FRMD4B: variants seen among roughly 807,000 people sequenced by gnomAD.
FRMD4B encodes the protein FERM domain containing 4B, also known as FERM domain-containing protein 4B.
Under a neutral mutation model 141.5 loss-of-function variants are expected in FRMD4B, and 74 were observed. The ratio of observed to expected loss-of-function variants is 0.52; its 90% CI spans 0.43 to 0.63. The LOEUF (loss-of-function observed/expected upper bound fraction) is 0.63, where lower values mean the gene tolerates loss of function less well. FRMD4B is among the 30% of genes least tolerant of loss of function. The probability of loss-of-function intolerance (pLI) is 0.00; values close to 1 mark genes in which losing one functional copy is unlikely to be tolerated. For synonymous variants in FRMD4B, 506 were observed against 467.9 expected (o/e 1.08, Z -1.05); for missense variants, 1,366 against 1,253.4 (o/e 1.09, Z -1.36).
intron 1 of FRMD4B, among the ~76,000 whole-genome samples, chr3:69,535,095 C>T (rs934221269): frequency 6.6e-6 from 1 of 152,096 alleles, no homozygotes; most frequent in Non-Finnish European, 1.5e-5. Context: ...CTTATAATCC[C>T]CACTTTATAG....
chr3:69,216,170 A>T (rs1337589405), intron 11 of FRMD4B, 93 bp downstream of exon 11: 4 of 714,064 alleles, frequency 5.6e-6, no homozygotes, highest in African/African-American at 1.8e-5. Context: ...AACCAAAAAA[A>T]CCCCAACAAC....
chr3:69,237,166 G>C lies in FRMD4B; in HGVS notation c.581+12060C>G, dbSNP rs984912334. ...TTTGTTCTCTGGACAACTGCAGGCC[G>C]GAGCACAAGAGGAGGAAGAGGAGAG... is the stretch of plus-strand genomic sequence containing the variant. On this transcript the variant is annotated intron_variant, in intron 7 of 22. Transcript: ENST00000398540. 6.1e-5 allele frequency among the ~76,000 whole-genome samples: 5 copies of C among 81,748 alleles called. No homozygotes were observed. The Admixed American group carries it at 7.4e-4, about 12-fold the overall frequency. 53.6% of individuals were successfully genotyped at this position (81,748 alleles called of 152,430 possible).
At position 69,195,451 on chromosome 3, in the gene FRMD4B, G is replaced by C. The variant is rs2092892779; in HGVS notation, c.1235-87C>G. On this transcript the variant is annotated intron_variant, in intron 14 of 22. Coordinates refer to ENST00000398540, the MANE Select transcript of FRMD4B (RefSeq NM_015123.3). ...GACAAAGGATTTTTAAGCTAAAGCT[G>C]CTATTAAATGGTAGTTTATTTCTTT... is the stretch of plus-strand genomic sequence containing the variant. 8.0e-6 allele frequency: 8 copies of C among 1,003,734 alleles called. No individual in the cohort carries two copies. The South Asian group carries it at 1.5e-4, about 19-fold the overall frequency. The allele number at this position is 1,003,734 out of a possible 1,614,324, so 62.2% of individuals were successfully genotyped here.
chr3:69,464,727 A>G (rs1705755182), intron 1 of FRMD4B, among the ~76,000 whole-genome samples: 1 of 152,184 alleles, frequency 6.6e-6, no homozygotes, highest in Admixed American at 6.5e-5. Flanking sequence ...GGGGCTCCTA[A>G]GGGAACAACA....
intron 8 of FRMD4B, among the ~76,000 whole-genome samples, chr3:69,223,687 A>G (rs2093221021): frequency 6.6e-6 from 1 of 152,034 alleles, no homozygotes; most frequent in Non-Finnish European, 1.5e-5. Context: ...AAAAATACAA[A>G]AATTAGCCGA....
intron 1 of FRMD4B, chr3:69,472,218 G>A (rs924388934): frequency 6.6e-6 from 2 of 302,404 alleles, no homozygotes; most frequent in Admixed American, 3.6e-5. Flanking sequence ...TGAAGATCTT[G>A]TGACTAAAAT....
At chr3:69,345,181 G>C (rs191640526) in intron 1 of FRMD4B, among the ~76,000 whole-genome samples, 1 of 152,222 alleles carries the variant, frequency 6.6e-6, no homozygotes, top group Non-Finnish European at 1.5e-5. Context: ...GGCACACCAG[G>C]AGATTATATC....
chr3:69,211,840 C>T (rs1338861247), intron 11 of FRMD4B, among the ~76,000 whole-genome samples: 15 of 152,152 alleles, frequency 9.9e-5, no homozygotes, highest in Non-Finnish European at 5.9e-5. Flanking sequence ...TAATAGAAGG[C>T]TGTGCTCATG....
At chr3:69,486,069 G>A (rs1706210254) in intron 1 of FRMD4B, among the ~76,000 whole-genome samples, 1 of 152,224 alleles carries the variant, frequency 6.6e-6, no homozygotes, top group Admixed American at 6.5e-5. Context: ...TTGGCTACAT[G>A]GGGCAGTTCA....
At chr3:69,425,640 T>G (rs1705064466) in intron 2 of FRMD4B, among the ~76,000 whole-genome samples, 2 of 152,246 alleles carry the variant, frequency 1.3e-5, no homozygotes, top group African/African-American at 4.8e-5. Flanking sequence ...AATAGTTCCA[T>G]CTTGATGCCA....
chr3:69,521,321 T>G (rs1263994213), intron 1 of FRMD4B, among the ~76,000 whole-genome samples: 1 of 152,174 alleles, frequency 6.6e-6, no homozygotes, highest in African/African-American at 2.4e-5. Flanking sequence ...TTGGTCTTTG[T>G]GTTAGTTTCT....
intron 1 of FRMD4B, among the ~76,000 whole-genome samples, chr3:69,369,733 T>C (rs1282746907): frequency 6.6e-6 from 1 of 152,210 alleles, no homozygotes; most frequent in Non-Finnish European, 1.5e-5. Flanking sequence ...AATAGCTTCA[T>C]AAATTTAAGT....
At chr3:69,248,906 G>GT (rs34660103) in intron 7 of FRMD4B, among the ~76,000 whole-genome samples, 2,921 of 151,788 alleles carry the variant, frequency 0.019, 86 homozygotes, top group African/African-American at 0.064. Flanking sequence ...TTATTGTAAG[G>GT]TTTTTTTTTA....
At chr3:69,254,110 T>A (rs1421721569) in intron 5 of FRMD4B, among the ~76,000 whole-genome samples, 1 of 152,042 alleles carries the variant, frequency 6.6e-6, no homozygotes, top group Non-Finnish European at 1.5e-5. Context: ...TCACACCTTT[T>A]TTTTTTCTTT....
chr3:69,393,250 C>G (rs1014359732), intron 2 of FRMD4B, among the ~76,000 whole-genome samples: 2 of 149,544 alleles, frequency 1.3e-5, no homozygotes, highest in African/African-American at 4.9e-5. Context: ...TCATTTCCCT[C>G]ATCTGTTATT....
chr3:69,201,411 G>A (rs1043153406), intron 11 of FRMD4B, among the ~76,000 whole-genome samples: 1 of 152,102 alleles, frequency 6.6e-6, no homozygotes, highest in African/African-American at 2.4e-5. Flanking sequence ...ATATCTTTAG[G>A]ACTCTTGGAA....
intron 8 of FRMD4B, among the ~76,000 whole-genome samples, chr3:69,224,193 T>C (rs1049581114): frequency 6.6e-6 from 1 of 152,230 alleles, no homozygotes; most frequent in Admixed American, 6.5e-5. Context: ...AATATCTAGC[T>C]GTAGTAGAAA....
At chr3:69,233,836 T>C (rs960896571) in intron 7 of FRMD4B, among the ~76,000 whole-genome samples, 2 of 152,320 alleles carry the variant, frequency 1.3e-5, no homozygotes, top group East Asian at 3.9e-4. Context: ...TTGCCTTGTA[T>C]AGGCCTTGAT....
At chr3:69,389,993 C>G (rs1559843410), upstream of FRMD4B, among the ~76,000 whole-genome samples, 1 of 151,914 alleles carries the variant, frequency 6.6e-6, no homozygotes, top group Non-Finnish European at 1.5e-5. Flanking sequence ...TCCTGCAGCT[C>G]TCTCTGGAGG....
Sources: gnomAD v4.1 joint callset for allele counts (sites outside exome capture counted in the v4.1 genomes callset) on GRCh38, gnomAD v4.1.1 for gene constraint, MANE v1.5 for transcripts, NCBI Gene and HGNC (gene_info 2026-07-23, HGNC 2026-07-21) for gene names.